RLF: variants seen among roughly 807,000 people sequenced by gnomAD.
RLF encodes zinc finger protein Rlf.
RLF carries 7 observed loss-of-function variants against 162.9 expected under a neutral mutation model. That is an observed-to-expected ratio of 0.04 (90% CI 0.02 to 0.08). The LOEUF is 0.08. Ranked by LOEUF, RLF falls within the 10% of genes least tolerant of loss-of-function variation. The pLI is 1.00. For missense variants in RLF, 1,664 were observed against 2,244.7 expected (o/e 0.74, Z 5.23); for synonymous variants, 782 against 791.5 (o/e 0.99, Z 0.20).
chr1:40,225,578 C>CAAAAAAAAAA lies in RLF; in HGVS notation c.947+2876_947+2885dup, dbSNP rs537934926. On this transcript the variant is annotated intron_variant, in intron 6 of 7. Coordinates refer to ENST00000372771, the MANE Select transcript of RLF (RefSeq NM_012421.4). ...TGGGTGACAGAGCAAGACTCTGTCTCAAAAAAAAAAAAAAAAAGCCGGGCG... is the reference window on the plus strand; with the variant it reads ...TGGGTGACAGAGCAAGACTCTGTCTCAAAAAAAAAAAAAAAAAAAAAAAAAAAGCCGGGCG... 1.0e-3 allele frequency among the ~76,000 whole-genome samples: 85 copies of CAAAAAAAAAA among 83,058 alleles called. 3 individuals carry two copies. Among genetic ancestry groups the CAAAAAAAAAA allele is most frequent in the African/African-American group, 4.4e-3 (83 of 18,782 alleles). The allele number at this position is 83,058 out of a possible 152,430, so 54.5% of individuals were successfully genotyped here.
At chr1:40,232,052 A>G (rs1167581026) in intron 7 of RLF, among the ~76,000 whole-genome samples, 1 of 152,124 alleles carries the variant, frequency 6.6e-6, no homozygotes, top group East Asian at 1.9e-4. Flanking sequence ...TACTAAAAAT[A>G]CAAAAATTAG....
Position 40,231,326 on chromosome 1 carries a change from G to A in RLF, c.948-191G>A, listed in dbSNP as rs117533775. 5.3e-5 allele frequency among the ~76,000 whole-genome samples: 8 copies of A among 152,302 alleles called. No homozygotes were observed. In the East Asian group the frequency reaches 1.5e-3, roughly 29 times the overall value. ...CCCTAAACACAAGAGAGAAGTCAGG[G>A]AATTGTTACGGAGGATTCTTAACAA... On this transcript the variant is annotated intron_variant, in intron 6 of 7. Coordinates refer to ENST00000372771, the MANE Select transcript of RLF (RefSeq NM_012421.4).
At chr1:40,234,280 C>T (rs1643190078) in intron 7 of RLF, among the ~76,000 whole-genome samples, 1 of 152,100 alleles carries the variant, frequency 6.6e-6, no homozygotes, top group African/African-American at 2.4e-5. Context: ...CTCCTCTGCT[C>T]ACTAGTTAGT....
chr1:40,194,476 C>T (rs1642602336), intron 3 of RLF, among the ~76,000 whole-genome samples: 1 of 151,652 alleles, frequency 6.6e-6, no homozygotes, highest in Non-Finnish European at 1.5e-5. Context: ...CCCGTCTCTA[C>T]TAAAAATACA....
intron 1 of RLF, among the ~76,000 whole-genome samples, chr1:40,180,069 A>T (rs1642386168): frequency 6.6e-6 from 1 of 152,186 alleles, no homozygotes; most frequent in African/African-American, 2.4e-5. Flanking sequence ...TACCTCTTCA[A>T]GATCTGCTGT....
chr1:40,201,347 C>T (rs924698352), intron 4 of RLF, among the ~76,000 whole-genome samples: 3 of 151,750 alleles, frequency 2.0e-5, no homozygotes, highest in South Asian at 4.2e-4. Context: ...AGGGCTCGGC[C>T]GGGTGCGGTG....
chr1:40,200,990 T>C (rs1193461813), intron 4 of RLF, among the ~76,000 whole-genome samples: 1 of 94,864 alleles, frequency 1.1e-5, no homozygotes, highest in African/African-American at 4.9e-5. Context: ...CACACCCCAG[T>C]GGTTTATCCT....
At chr1:40,222,140 C>T (rs1454931853) in intron 5 of RLF, among the ~76,000 whole-genome samples, 2 of 151,844 alleles carry the variant, frequency 1.3e-5, no homozygotes, top group Non-Finnish European at 1.5e-5. Flanking sequence ...CTGAACTGGC[C>T]TCCTTTAGCC....
chr1:40,239,022 A>C lies in RLF; in HGVS notation c.4320A>C (p.Ser1440=). The change falls in exon 8 of 8, where the codon TCA becomes TCC. Residue 1440 remains serine (S), a synonymous_variant. Transcript: ENST00000372771. ...ATAATATTGAAGGGGAAATACATTC[A>C]GATTATGAAATTCATTGTGATCTTA... ...EQHNIEGEIH[S]DYEIHCDLNG... 6.2e-7 allele frequency: 1 copy of C among 1,614,254 alleles called. No individual in the cohort carries two copies. Among genetic ancestry groups the C allele is most frequent in the Non-Finnish European group, 8.5e-7 (1 of 1,180,030 alleles).
intron 1 of RLF, among the ~76,000 whole-genome samples, chr1:40,172,601 A>G (rs1309057781): frequency 6.6e-6 from 1 of 152,196 alleles, no homozygotes; most frequent in Non-Finnish European, 1.5e-5. Context: ...CCTGGCCAAC[A>G]TGGTGAAACT....
chr1:40,236,824 G>T lies in RLF; in HGVS notation c.2122G>T (p.Asp708Tyr), dbSNP rs140973473. 134 of 1,614,106 alleles carry T rather than the reference G, an allele frequency of 8.3e-5. 1 individual carries two copies. The Middle Eastern group carries it at 9.9e-4, about 12-fold the overall frequency. ...TGATGAAAATGCCAAGCACTACTTG[G>T]ATATGAAAAATAGAAGAGAGAAGTG... ...NNDENAKHYL[D>Y]MKNRREKCTY... Residue 708 changes from aspartate (D) to tyrosine (Y), a missense_variant, in exon 8 of 8, where the codon GAT (aspartate) becomes TAT (tyrosine). By Grantham distance (160) the Asp-to-Tyr change is radical (BLOSUM62 -3). Around this residue, in one of 15 missense-constraint regions of RLF, gnomAD observed 69 missense variants for 206.4 expected, o/e 0.33. Transcript: ENST00000372771. This position sits in a 1 kb window ranked among gnomAD's most constrained non-coding sequence, Gnocchi z 7.7.
At chr1:40,168,023 C>T (rs1263270033) in intron 1 of RLF, among the ~76,000 whole-genome samples, 2 of 150,870 alleles carry the variant, frequency 1.3e-5, no homozygotes, top group African/African-American at 4.9e-5. Flanking sequence ...GAGTTCAAGA[C>T]CAGCCTGGGC....
intron 5 of RLF, among the ~76,000 whole-genome samples, chr1:40,205,792 A>G (rs375472560): frequency 2.0e-5 from 3 of 151,914 alleles, no homozygotes; most frequent in African/African-American, 7.2e-5. Flanking sequence ...TGCCTGGCCC[A>G]TTTTTCTTCT....
chr1:40,181,459 G>A (rs1019276867), intron 1 of RLF, among the ~76,000 whole-genome samples: 1 of 152,112 alleles, frequency 6.6e-6, no homozygotes, highest in African/African-American at 2.4e-5. Flanking sequence ...AGAAAATGCT[G>A]TCTTTTTCCC....
chr1:40,191,354 A>T (rs1642554238), intron 3 of RLF, among the ~76,000 whole-genome samples: 1 of 152,174 alleles, frequency 6.6e-6, no homozygotes, highest in Non-Finnish European at 1.5e-5. Flanking sequence ...CTTGGCCAAC[A>T]TGCCGAAACC....
intron 1 of RLF, among the ~76,000 whole-genome samples, chr1:40,186,793 C>T (rs1642487571): frequency 6.6e-6 from 1 of 152,096 alleles, no homozygotes; most frequent in Non-Finnish European, 1.5e-5. Flanking sequence ...TGAATGTATT[C>T]AGCAGACATT....
intron 3 of RLF, among the ~76,000 whole-genome samples, chr1:40,194,135 T>A (rs1226163749): frequency 1.5e-5 from 2 of 130,554 alleles, no homozygotes; most frequent in Non-Finnish European, 3.2e-5. Flanking sequence ...AACAAACTAT[T>A]GGTAAATACA....
In RLF at chr1:40,239,916, T is replaced by G. The variant is rs374567957; in HGVS notation, c.5214T>G (p.Thr1738=). The G allele has an allele frequency of 1.2e-6, 2 of 1,613,504 alleles. No individual in the cohort carries two copies. The highest frequency in any genetic ancestry group is 2.7e-5 in the African/African-American group (2 of 74,918). The change falls in exon 8 of 8, where the codon ACT becomes ACG. Residue 1738 remains threonine (T), a synonymous_variant. Transcript: ENST00000372771. ...TRQHSSGQEN[T]VKNPTHVPKE... ...AGCATAGTTCAGGGCAAGAAAACAC[T>G]GTAAAAAATCCAACCCATGTCCCAA...
At chr1:40,207,866 C>T (rs755343412) in intron 5 of RLF, among the ~76,000 whole-genome samples, 19 of 152,200 alleles carry the variant, frequency 1.2e-4, no homozygotes, top group South Asian at 1.2e-3. Context: ...CTGACTCAGC[C>T]TCCCAAAGTG....
Sources: gnomAD v4.1 joint callset for allele counts (sites outside exome capture counted in the v4.1 genomes callset) on GRCh38, gnomAD v4.1.1 for gene constraint, gnomAD v4.1.1 regional missense constraint, Gnocchi (gnomAD v3.1) non-coding constraint, MANE v1.5 for transcripts, NCBI Gene and HGNC (gene_info 2026-07-23, HGNC 2026-07-21) for gene names.